NRXN1: variants seen among roughly 807,000 people sequenced by gnomAD.
NRXN1 encodes neurexin-1.
NRXN1 carries 39 observed loss-of-function variants against 150.9 expected under a neutral mutation model. That is an observed-to-expected ratio of 0.26 (90% CI 0.20 to 0.34). The LOEUF (loss-of-function observed/expected upper bound fraction) is 0.34, where lower values mean the gene tolerates loss of function less well. Ranked by LOEUF, NRXN1 falls within the 10% of genes least tolerant of loss-of-function variation. The pLI is 1.00. For synonymous variants in NRXN1, 924 were observed against 757.0 expected, an observed-to-expected ratio of 1.22 and a Z score of -3.62; for missense variants, 1,815 against 1,949.9, an observed-to-expected ratio of 0.93 and a Z score of 1.30.
chr2:50,745,751 C>T (rs1285706297), intron 5 of NRXN1, among the ~76,000 whole-genome samples: 2 of 151,574 alleles, frequency 1.3e-5, no homozygotes, highest in Non-Finnish European at 3.0e-5. Flanking sequence ...AAGGGGGAAG[C>T]CCCTTGTAAA....
intron 2 of NRXN1, among the ~76,000 whole-genome samples, chr2:51,014,419 T>G (rs1229335295): frequency 6.6e-6 from 1 of 152,028 alleles, no homozygotes; most frequent in Admixed American, 6.6e-5. Context: ...ATAAAAAAAT[T>G]AATTTATGTC....
At chr2:50,741,598 A>T (rs1386659331) in intron 5 of NRXN1, among the ~76,000 whole-genome samples, 2 of 152,186 alleles carry the variant, frequency 1.3e-5, no homozygotes, top group Admixed American at 1.3e-4. Flanking sequence ...GGTTCCTAAA[A>T]TACTGAGAGA....
In NRXN1 at chr2:50,391,265, T is replaced by C. The variant is rs550552029; in HGVS notation, c.3364+74177A>G. On this transcript the variant is annotated intron_variant, in intron 17 of 22. Transcript: ENST00000401669. ...AAGATACAAGTAAATAAGACTGAGA[T>C]AAAATGCTGGAATAAAAGAGAAGAT... Among the ~76,000 whole-genome samples the C allele has an allele frequency of 3.3e-5, 5 of 151,374 alleles. No homozygotes were observed. The East Asian group carries it at 7.8e-4, about 24-fold the overall frequency.
At chr2:50,939,839 G>A (rs200006519) in intron 2 of NRXN1, among the ~76,000 whole-genome samples, 8 of 152,050 alleles carry the variant, frequency 5.3e-5, no homozygotes, top group African/African-American at 1.2e-4. Flanking sequence ...ATTCCAGTGC[G>A]GATGTACATT....
intron 17 of NRXN1, among the ~76,000 whole-genome samples, chr2:50,339,518 C>T (rs976429030): frequency 5.3e-5 from 8 of 152,266 alleles, no homozygotes; most frequent in African/African-American, 1.2e-4. Context: ...CCTTTCTATA[C>T]TGCCTCAGTT....
At chr2:50,061,453 T>C (rs1436831872) in intron 19 of NRXN1, among the ~76,000 whole-genome samples, 2 of 152,310 alleles carry the variant, frequency 1.3e-5, no homozygotes, top group African/African-American at 4.8e-5. Flanking sequence ...GAAAAACAAG[T>C]GGAATGTCCC....
chr2:50,049,134 A>G (rs1692292362), intron 21 of NRXN1, among the ~76,000 whole-genome samples: 1 of 152,168 alleles, frequency 6.6e-6, no homozygotes, highest in African/African-American at 2.4e-5. Flanking sequence ...GTAAAAGTAG[A>G]GTATAATATA....
intron 5 of NRXN1, among the ~76,000 whole-genome samples, chr2:50,763,057 C>G (rs1701988410): frequency 6.6e-6 from 1 of 151,952 alleles, no homozygotes; most frequent in Non-Finnish European, 1.5e-5. Flanking sequence ...CTCCAGGGCT[C>G]TCTTCATCTC....
chr2:50,166,341 G>C (rs1189310483), intron 18 of NRXN1, among the ~76,000 whole-genome samples: 5 of 149,532 alleles, frequency 3.3e-5, no homozygotes, highest in Non-Finnish European at 5.9e-5. Flanking sequence ...GTGTGTGTGT[G>C]TTCAAGAATG....
chr2:50,998,863 A>C (rs1699666559), intron 2 of NRXN1, among the ~76,000 whole-genome samples: 1 of 152,086 alleles, frequency 6.6e-6, no homozygotes, highest in Non-Finnish European at 1.5e-5. Context: ...TGTTTTTTAA[A>C]ATTAATATAG....
chr2:50,957,361 T>C (rs1692441925), intron 2 of NRXN1, among the ~76,000 whole-genome samples: 1 of 152,144 alleles, frequency 6.6e-6, no homozygotes, highest in Non-Finnish European at 1.5e-5. Context: ...TATGAGGTTA[T>C]AAAGTTCTGA....
intron 5 of NRXN1, among the ~76,000 whole-genome samples, chr2:50,674,360 G>C (rs1354577788): frequency 6.6e-6 from 1 of 152,038 alleles, no homozygotes; most frequent in Non-Finnish European, 1.5e-5. Flanking sequence ...AGTGGAGCAC[G>C]GACAGTAGAG....
intron 5 of NRXN1, among the ~76,000 whole-genome samples, chr2:50,664,256 T>G (rs1687698407): frequency 6.6e-6 from 1 of 151,978 alleles, no homozygotes. Context: ...AAAATAATTA[T>G]AAGACAAACT....
intron 17 of NRXN1, among the ~76,000 whole-genome samples, chr2:50,418,593 C>G (rs1228660989): frequency 6.6e-6 from 1 of 152,072 alleles, no homozygotes; most frequent in African/African-American, 2.4e-5. Context: ...CAATTATTCT[C>G]TCTCTGATTT....
chr2:50,192,813 T>C (rs952450955), intron 18 of NRXN1, among the ~76,000 whole-genome samples: 10 of 152,332 alleles, frequency 6.6e-5, no homozygotes, highest in African/African-American at 1.9e-4. Flanking sequence ...TTTCGCCATG[T>C]TGGCCAGACT....
At chr2:50,493,178 G>T (rs193142285) in intron 15 of NRXN1, among the ~76,000 whole-genome samples, 1 of 152,256 alleles carries the variant, frequency 6.6e-6, no homozygotes, top group Admixed American at 6.5e-5. Context: ...TTTTCCTGCA[G>T]CTCAGTGCTA....
At chr2:50,894,234 T>TATA (rs1285580204) in intron 5 of NRXN1, among the ~76,000 whole-genome samples, 1 of 131,846 alleles carries the variant, frequency 7.6e-6, no homozygotes, top group Non-Finnish European at 1.6e-5. Context: ...AAACTTAAAG[T>TATA]ATAATAATAA....
chr2:50,002,058 C>G (rs1573338338), intron 21 of NRXN1, among the ~76,000 whole-genome samples: 1 of 151,896 alleles, frequency 6.6e-6, no homozygotes, highest in East Asian at 1.9e-4. Context: ...AACAACCATG[C>G]AAGCTTGCAA....
intron 9 of NRXN1, among the ~76,000 whole-genome samples, chr2:50,548,746 A>G (rs539623726): frequency 6.6e-6 from 1 of 150,512 alleles, no homozygotes; most frequent in Non-Finnish European, 1.5e-5. Context: ...AAATTAAATC[A>G]TTTGTGTCCA....
Sources: allele counts gnomAD v4.1 joint callset (sites outside exome capture counted in the v4.1 genomes callset), GRCh38; gene constraint gnomAD v4.1.1; transcripts MANE v1.5; gene names NCBI Gene and HGNC (gene_info 2026-07-23, HGNC 2026-07-21).